PLCXD2: variants seen among roughly 807,000 people sequenced by gnomAD.
PLCXD2 encodes PI-PLC X domain-containing protein 2.
A neutral mutation model predicts 28.6 loss-of-function variants in PLCXD2; 21 were observed. That is an observed-to-expected ratio of 0.73 (90% CI 0.52 to 1.06). PLCXD2 has a LOEUF of 1.06. Among genes scored for constraint, PLCXD2 ranks in the 50% least tolerant of loss-of-function variants. PLCXD2 has a pLI of 0.00. For synonymous variants in PLCXD2, 140 were observed against 150.1 expected (o/e 0.93, Z 0.49); for missense variants, 369 against 376.7 (o/e 0.98, Z 0.17).
At chr3:111,691,340 A>C (rs939288247) in intron 1 of PLCXD2, 4 of 152,196 alleles carry the variant, frequency 2.6e-5, no homozygotes, top group African/African-American at 9.6e-5. Context: ...GTCGCATTTC[A>C]CTCACTTTCC....
intron 3 of PLCXD2, chr3:111,720,824 C>G: frequency 2.4e-6 from 1 of 416,762 alleles, no homozygotes; most frequent in South Asian, 1.3e-4. Flanking sequence ...GACTTTGCTG[C>G]GACTGTCATC....
chr3:111,716,893 A>G (rs761975485), intron 3 of PLCXD2, among the ~76,000 whole-genome samples: 1 of 152,296 alleles, frequency 6.6e-6, no homozygotes, highest in East Asian at 1.9e-4. Context: ...ATTTAGACAC[A>G]CAAAGAGACA....
chr3:111,690,974 G>T (rs1940869010), intron 1 of PLCXD2, among the ~76,000 whole-genome samples: 1 of 152,130 alleles, frequency 6.6e-6, no homozygotes, highest in African/African-American at 2.4e-5. Context: ...TCACATAAAT[G>T]CTAAACAATA....
chr3:111,707,540 T>C (rs1247846635), intron 1 of PLCXD2, among the ~76,000 whole-genome samples: 4 of 152,216 alleles, frequency 2.6e-5, no homozygotes, highest in Non-Finnish European at 2.9e-5. Flanking sequence ...TTGGCAGACA[T>C]CTTTGTTTTC....
rs191907009 is a variant in PLCXD2 at position 111,694,048 on chromosome 3, T to C, written c.164-13878T>C. Among the ~76,000 whole-genome samples the C allele has an allele frequency of 2.6e-5, 4 of 152,394 alleles. No homozygotes were observed. In the East Asian group the frequency reaches 7.7e-4, roughly 29 times the overall value. On this transcript the variant is annotated intron_variant, in intron 1 of 4. Transcript: ENST00000477665. The stretch of plus-strand genomic sequence containing the variant: ...TTTACACCTCATTTGGTAAAAGTTG[T>C]AGAAGTGAAAGTATACTGCAGCTTT...
intron 1 of PLCXD2, among the ~76,000 whole-genome samples, chr3:111,676,017 T>C (rs534057896): frequency 1.3e-5 from 2 of 152,328 alleles, no homozygotes; most frequent in South Asian, 2.1e-4. Flanking sequence ...TGTATGTATG[T>C]ATGTATACAG....
intron 1 of PLCXD2, among the ~76,000 whole-genome samples, chr3:111,685,927 C>G (rs1258200309): frequency 6.6e-6 from 1 of 152,202 alleles, no homozygotes; most frequent in Non-Finnish European, 1.5e-5. Context: ...CCCCCCACAA[C>G]ATGGGATTGA....
chr3:111,720,792 A>T, intron 3 of PLCXD2: 1 of 416,858 alleles, frequency 2.4e-6, no homozygotes, highest in Non-Finnish European at 4.4e-6. Context: ...ACATCATCAC[A>T]TCTGACTTCG....
At chr3:111,680,980 T>C (rs1421871486) in intron 1 of PLCXD2, among the ~76,000 whole-genome samples, 1 of 152,188 alleles carries the variant, frequency 6.6e-6, no homozygotes, top group East Asian at 1.9e-4. Context: ...GAACATTCAT[T>C]TATTGAAAGC....
At chr3:111,715,197 A>G (rs1464259822) in intron 3 of PLCXD2, among the ~76,000 whole-genome samples, 1 of 152,232 alleles carries the variant, frequency 6.6e-6, no homozygotes, top group African/African-American at 2.4e-5. Context: ...GACTGAATTC[A>G]TTATGCTGAA....
intron 1 of PLCXD2, among the ~76,000 whole-genome samples, chr3:111,705,404 C>T (rs751054710): frequency 6.6e-6 from 1 of 152,052 alleles, no homozygotes. Context: ...TTTATCCATT[C>T]GTTGGTTGAT....
Position 111,675,408 on chromosome 3 carries a change from G to A in PLCXD2, c.163G>A (p.Gly55Ser). 3.7e-6 allele frequency: 6 copies of A among 1,614,054 alleles called. No individual in the cohort carries two copies. The highest frequency in any genetic ancestry group is 5.1e-6 in the Non-Finnish European group (6 of 1,179,966). The change falls in exon 1 of 5, where the codon GGC becomes AGC. Residue 55 changes from glycine to serine, a missense_variant and splice_region_variant. Physicochemically the swap from Gly to Ser is moderately conservative, Grantham distance 56. Transcript: ENST00000477665. ...CCCCCTTTCCAATCTGGCAATCCCA[G>A]GTATTCGTCTATTCCTACTTGTTCC... is the stretch of plus-strand genomic sequence containing the variant.
rs529951451 is a variant in PLCXD2 at position 111,693,095 on chromosome 3, T to C, written c.164-14831T>C. Among the ~76,000 whole-genome samples, 4 of 152,258 alleles carry C rather than the reference T, an allele frequency of 2.6e-5. No individual in the cohort carries two copies. In the South Asian group the frequency reaches 6.2e-4, roughly 24 times the overall value. On this transcript the variant is annotated intron_variant, in intron 1 of 4. Transcript: ENST00000477665. Reference sequence around the variant, plus strand: ...AACCAGGGAAAAGCAAAGGGAGAATTGGGCTGGCCTCTGTTATCTAAATAC... The same window carrying C: ...AACCAGGGAAAAGCAAAGGGAGAATCGGGCTGGCCTCTGTTATCTAAATAC...
At chr3:111,718,345 G>A (rs1342318786) in intron 3 of PLCXD2, among the ~76,000 whole-genome samples, 1 of 152,028 alleles carries the variant, frequency 6.6e-6, no homozygotes, top group Non-Finnish European at 1.5e-5. Context: ...GGCGCCTGTA[G>A]TCCCAGCTAC....
chr3:111,695,608 A>G (rs1177052364), intron 1 of PLCXD2, among the ~76,000 whole-genome samples: 1 of 152,226 alleles, frequency 6.6e-6, no homozygotes, highest in Non-Finnish European at 1.5e-5. Flanking sequence ...TTTGTAGAAA[A>G]CATACAGAAA....
rs908470257 is a variant in PLCXD2, at chr3:111,711,319, G to A, written c.625-2568G>A. Among the ~76,000 whole-genome samples the A allele has an allele frequency of 2.0e-4, 30 of 152,180 alleles. 1 individual carries two copies. The highest frequency in any genetic ancestry group is 1.6e-3 in the Admixed American group (24 of 15,268). ...CTCGGCAGGCAGAGACAAGAGAATC[G>A]CTTGAACCCAGGAGGCAGAGGTTTC... On this transcript the variant is annotated intron_variant, in intron 2 of 4. Transcript: ENST00000477665.
At chr3:111,686,150 T>A (rs552491555) in intron 1 of PLCXD2, among the ~76,000 whole-genome samples, 1 of 152,290 alleles carries the variant, frequency 6.6e-6, no homozygotes, top group Admixed American at 6.5e-5. Flanking sequence ...GATACTTCAT[T>A]TGAAAGTATT....
At chr3:111,703,500 G>A (rs528505719) in intron 1 of PLCXD2, among the ~76,000 whole-genome samples, 17 of 152,306 alleles carry the variant, frequency 1.1e-4, no homozygotes, top group African/African-American at 4.1e-4. Context: ...ACACCAACAA[G>A]AGAACACCAG....
At chr3:111,706,443 C>G (rs1235460832) in intron 1 of PLCXD2, among the ~76,000 whole-genome samples, 1 of 152,042 alleles carries the variant, frequency 6.6e-6, no homozygotes, top group African/African-American at 2.4e-5. Flanking sequence ...AAACCTTTGC[C>G]TAGACCAATG....
Sources: allele counts gnomAD v4.1 joint callset (sites outside exome capture counted in the v4.1 genomes callset), GRCh38; gene constraint gnomAD v4.1.1; transcripts MANE v1.5; gene names NCBI Gene and HGNC (gene_info 2026-07-23, HGNC 2026-07-21).